EVC2: variants seen among roughly 807,000 people sequenced by gnomAD.
EVC2 encodes the protein EvC ciliary complex subunit 2.
EVC2 carries 148 observed loss-of-function variants against 149.3 expected under a neutral mutation model. The observed-to-expected ratio is 0.99, with a 90% CI of 0.87 to 1.14. EVC2 has a LOEUF of 1.14. EVC2 is among the 50% of genes most tolerant of loss of function. The probability of loss-of-function intolerance (pLI) is 0.00; values close to 1 mark genes in which losing one functional copy is unlikely to be tolerated. For synonymous variants in EVC2, 776 were observed against 649.9 expected (o/e 1.19, Z -2.95); for missense variants, 1,854 against 1,627.3 (o/e 1.14, Z -2.40).
intron 21 of EVC2, among the ~76,000 whole-genome samples, chr4:5,547,730 G>C (rs1721648721): frequency 6.6e-6 from 1 of 152,154 alleles, no homozygotes; most frequent in Non-Finnish European, 1.5e-5. Context: ...ATTCTTCTTG[G>C]ACGCAGGATA....
chr4:5,627,779 A>T (rs1186723051), intron 12 of EVC2, among the ~76,000 whole-genome samples: 1 of 152,114 alleles, frequency 6.6e-6, no homozygotes, highest in African/African-American at 2.4e-5. Flanking sequence ...AATCCAAGAC[A>T]ACCATCCCTG....
At chr4:5,556,175 G>A (rs529959012) in intron 21 of EVC2, among the ~76,000 whole-genome samples, 317 of 60,248 alleles carry the variant, frequency 5.3e-3, no homozygotes, top group African/African-American at 0.017. Flanking sequence ...GTGAGACTCC[G>A]TCTCAAAAAA....
At chr4:5,530,421 A>T in the EVC2 span, among the ~76,000 whole-genome samples, 40 of 152,222 alleles carry the variant, frequency 2.6e-4, no homozygotes, top group East Asian at 1.4e-3. Flanking sequence ...TTTATTTATT[A>T]TTGTATCTAT....
intron 16 of EVC2, among the ~76,000 whole-genome samples, chr4:5,595,203 A>C (rs1342038533): frequency 2.6e-5 from 4 of 152,174 alleles, no homozygotes; most frequent in African/African-American, 9.7e-5. Flanking sequence ...ATTCAGATTC[A>C]GGAAATACAG....
At chr4:5,647,726 G>C (rs905856871) in intron 9 of EVC2, among the ~76,000 whole-genome samples, 27 of 152,328 alleles carry the variant, frequency 1.8e-4, no homozygotes, top group Admixed American at 5.2e-4. Context: ...CCCCCGCAAA[G>C]ACATTCACAG....
chr4:5,625,636 A>G lies in EVC2; in HGVS notation c.2046+113T>C, dbSNP rs1157717018. The G allele has an allele frequency of 7.1e-7, 1 of 1,403,086 alleles. No individual in the cohort carries two copies. Among genetic ancestry groups the G allele is most frequent in the Non-Finnish European group, 9.9e-7 (1 of 1,008,282 alleles). The allele number at this position is 1,403,086 out of a possible 1,614,324, so 86.9% of individuals were successfully genotyped here. A position where few individuals can be genotyped will look rare whatever the true frequency, so the allele number is the denominator to read the frequency against. On this transcript the variant is annotated intron_variant, in intron 13 of 21. Transcript: ENST00000344408. The surrounding 1 kb of genome is among the most constrained non-coding windows in gnomAD (Gnocchi z 4.0). The stretch of plus-strand genomic sequence containing the variant: ...AGATGGCACATCATGGTGCCTGCCC[A>G]GCTGCCCTTCTGATCCTAGTTCACC...
upstream of EVC2, chr4:5,708,672 G>C (rs1368797449): frequency 3.8e-6 from 2 of 528,242 alleles, no homozygotes; most frequent in Non-Finnish European, 6.2e-6. Context: ...GGGCCAGGAG[G>C]TGCCGGACGG....
At chr4:5,541,428 A>C (rs1460116066), downstream of EVC2, among the ~76,000 whole-genome samples, 1 of 152,234 alleles carries the variant, frequency 6.6e-6, no homozygotes, top group Non-Finnish European at 1.5e-5. Context: ...GGGGTCAGGC[A>C]GGTCTCAGTG....
At chr4:5,565,836 C>T (rs73072291) in intron 20 of EVC2, among the ~76,000 whole-genome samples, 2,176 of 152,322 alleles carry the variant, frequency 0.014, 50 homozygotes, top group African/African-American at 0.049. Flanking sequence ...GCAGCCTCAT[C>T]AAGATGCAAC....
chr4:5,694,820 C>T (rs1416387392), intron 2 of EVC2, among the ~76,000 whole-genome samples: 5 of 152,176 alleles, frequency 3.3e-5, no homozygotes, highest in African/African-American at 1.2e-4. Flanking sequence ...CATTAGACAG[C>T]CCTGGGCTTG....
At chr4:5,578,992 T>C (rs961432539) in intron 17 of EVC2, among the ~76,000 whole-genome samples, 1 of 152,166 alleles carries the variant, frequency 6.6e-6, no homozygotes, top group Non-Finnish European at 1.5e-5. Context: ...AAGGGACCCA[T>C]GCCTGAATGT....
rs1172580515 is a variant in EVC2 at position 5,686,844 on chromosome 4, C to T, written c.707-1365G>A. Among the ~76,000 whole-genome samples the T allele has an allele frequency of 6.6e-6, 1 of 151,360 alleles. No individual in the cohort carries two copies. Among genetic ancestry groups the T allele is most frequent in the Non-Finnish European group, 1.5e-5 (1 of 67,962 alleles). ...TGAAAATCAATGTCACATTCCTTGG[C>T]GTAGCGGTGAGTTCACAGATAAATA... On this transcript the variant is annotated intron_variant, in intron 5 of 21. Transcript: ENST00000344408. This position sits in a 1 kb window ranked among gnomAD's most constrained non-coding sequence, Gnocchi z 5.4.
chr4:5,602,510 T>C (rs1034986513), intron 16 of EVC2, among the ~76,000 whole-genome samples: 1 of 151,738 alleles, frequency 6.6e-6, no homozygotes, highest in African/African-American at 2.4e-5. Context: ...GATCTAACTA[T>C]GGTGGGGGAT....
At chr4:5,698,222 TATC>T (rs1408705786) in intron 1 of EVC2, among the ~76,000 whole-genome samples, 2 of 152,166 alleles carry the variant, frequency 1.3e-5, no homozygotes, top group African/African-American at 4.8e-5. Context: ...TGAAATGTCT[TATC>T]ATCAGACAGA....
intron 16 of EVC2, among the ~76,000 whole-genome samples, chr4:5,611,334 G>C (rs528604097): frequency 5.3e-5 from 8 of 152,268 alleles, no homozygotes; most frequent in African/African-American, 1.7e-4. Flanking sequence ...CGCTCATGAA[G>C]AGCATCAGCT....
At chr4:5,598,426 C>T (rs1012073416) in intron 16 of EVC2, among the ~76,000 whole-genome samples, 3 of 151,742 alleles carry the variant, frequency 2.0e-5, no homozygotes, top group African/African-American at 7.3e-5. Flanking sequence ...ATATCTACAA[C>T]TATCTGATCT....
intron 7 of EVC2, among the ~76,000 whole-genome samples, chr4:5,668,466 C>A (rs904227140): frequency 6.6e-6 from 1 of 152,196 alleles, no homozygotes; most frequent in African/African-American, 2.4e-5. Context: ...TTGATTAACA[C>A]TAAAATGAAA....
Position 5,562,501 on chromosome 4 carries a change from C to G in EVC2, c.*347G>C, listed in dbSNP as rs1722016273. On this transcript the variant is annotated 3_prime_UTR_variant, in exon 22 of 22. Transcript: ENST00000344408. This position sits in a 1 kb window ranked among gnomAD's most constrained non-coding sequence, Gnocchi z 4.3. ...ATAAAAATAGAATATGTAACAAATA[C>G]AAAACATAAGAGTAGAGAATCTGGC... 8.9e-7 allele frequency: 1 copy of G among 1,119,042 alleles called. No homozygotes were observed. Among genetic ancestry groups the G allele is most frequent in the Non-Finnish European group, 1.1e-6 (1 of 913,164 alleles). The allele number at this position is 1,119,042 out of a possible 1,614,324, so 69.3% of individuals were successfully genotyped here.
upstream of EVC2, chr4:5,708,783 TC>T (rs1560246565): frequency 2.9e-6 from 1 of 350,412 alleles, no homozygotes. Flanking sequence ...ACTCCCCTGC[TC>T]CCCGAGGTTA....
Sources: gnomAD v4.1 joint callset for allele counts (sites outside exome capture counted in the v4.1 genomes callset) on GRCh38, gnomAD v4.1.1 for gene constraint, Gnocchi (gnomAD v3.1) non-coding constraint, MANE v1.5 for transcripts, NCBI Gene and HGNC (gene_info 2026-07-23, HGNC 2026-07-21) for gene names.